MNS1: variants seen among roughly 807,000 people sequenced by gnomAD.
MNS1 encodes meiosis-specific nuclear structural protein 1.
Under a neutral mutation model 72.0 loss-of-function variants are expected in MNS1, and 63 were observed. The ratio of observed to expected loss-of-function variants is 0.87; its 90% CI spans 0.71 to 1.08. MNS1 has a LOEUF of 1.08. Among genes scored for constraint, MNS1 ranks in the 50% least tolerant of loss-of-function variants. The pLI is 0.00. For synonymous variants in MNS1, 188 were observed against 172.1 expected, an observed-to-expected ratio of 1.09 and a Z score of -0.72; for missense variants, 604 against 562.4, an observed-to-expected ratio of 1.07 and a Z score of -0.75.
intron 2 of MNS1, 87 bp downstream of exon 2, chr15:56,463,935 TTATC>T: frequency 9.7e-7 from 1 of 1,031,746 alleles, no homozygotes; most frequent in Non-Finnish European, 1.4e-6. Context: ...CTGCTGTTGT[TTATC>T]TACTCATTTC....
intron 8 of MNS1, among the ~76,000 whole-genome samples, chr15:56,433,922 C>A (rs1411329175): frequency 6.6e-6 from 1 of 152,028 alleles, no homozygotes; most frequent in African/African-American, 2.4e-5. Flanking sequence ...GTTTTATTTA[C>A]CTTTTATGTT....
Position 56,444,433 on chromosome 15 carries a change from G to C in MNS1, c.686+11C>G, listed in dbSNP as rs1311771922. The C allele has an allele frequency of 3.8e-6, 6 of 1,593,264 alleles. No homozygotes were observed. The South Asian group carries it at 6.9e-5, about 18-fold the overall frequency. On this transcript the variant is annotated intron_variant, in intron 5 of 9. Coordinates refer to ENST00000260453, the MANE Select transcript of MNS1 (RefSeq NM_018365.4). ...ACATTTAGACATGTAAGAAAGTTAG[G>C]ATAAACTTACAACTGATCTTCTTCA...
intron 2 of MNS1, 125 bp downstream of exon 2, chr15:56,463,901 G>A (rs1473299058): frequency 1.3e-6 from 1 of 748,076 alleles, no homozygotes; most frequent in Middle Eastern, 3.9e-4. Context: ...CCGAGCTGAG[G>A]CACAATCAGG....
chr15:56,445,022 G>A (rs761646702), intron 4 of MNS1, among the ~76,000 whole-genome samples: 2 of 152,006 alleles, frequency 1.3e-5, no homozygotes, highest in African/African-American at 2.4e-5. Flanking sequence ...TTTATAAACT[G>A]AGCTAGGCAA....
chr15:56,436,707 T>G (rs955248821), intron 7 of MNS1, among the ~76,000 whole-genome samples: 1 of 152,050 alleles, frequency 6.6e-6, no homozygotes, highest in African/African-American at 2.4e-5. Flanking sequence ...GATAGACCGC[T>G]AGCAAGACTC....
chr15:56,440,489 T>G (rs2050799023), intron 7 of MNS1, among the ~76,000 whole-genome samples: 1 of 152,164 alleles, frequency 6.6e-6, no homozygotes, highest in East Asian at 1.9e-4. Flanking sequence ...AAATGAAAAT[T>G]GATGTTTATA....
At chr15:56,454,693 G>C (rs768763012) in intron 3 of MNS1, among the ~76,000 whole-genome samples, 1 of 151,986 alleles carries the variant, frequency 6.6e-6, no homozygotes, top group African/African-American at 2.4e-5. Context: ...CTCACATAAT[G>C]CTTCTGTATT....
At chr15:56,441,752 C>T (rs2050817634) in intron 7 of MNS1, among the ~76,000 whole-genome samples, 1 of 152,180 alleles carries the variant, frequency 6.6e-6, no homozygotes, top group African/African-American at 2.4e-5. Flanking sequence ...CGGTGGCTCA[C>T]ACCTCTAATC....
chr15:56,460,009 A>AAAAAAAAAAAAATATATATATAT lies in MNS1; in HGVS notation c.226-3489_226-3488insATATATATATATTTTTTTTTTTT. Among the ~76,000 whole-genome samples the AAAAAAAAAAAAATATATATATAT allele has an allele frequency of 6.1e-4, 16 of 26,384 alleles. 3 individuals carry two copies. Among genetic ancestry groups the AAAAAAAAAAAAATATATATATAT allele is most frequent in the Non-Finnish European group, 8.4e-4 (12 of 14,308 alleles). 17.3% of individuals were successfully genotyped at this position (26,384 alleles called of 152,430 possible). On this transcript the variant is annotated intron_variant, in intron 2 of 9. Coordinates refer to ENST00000260453, the MANE Select transcript of MNS1 (RefSeq NM_018365.4). ...CTGTCTCAAAAAAAAAAAAAAAAAA[A>AAAAAAAAAAAAATATATATATAT]ATACATATATATATATATATATATA...
At chr15:56,459,851 G>A (rs2051005262) in intron 2 of MNS1, among the ~76,000 whole-genome samples, 1 of 150,522 alleles carries the variant, frequency 6.6e-6, no homozygotes, top group African/African-American at 2.4e-5. Flanking sequence ...TTAGCTGGGT[G>A]TGGTGGTGCA....
intron 3 of MNS1, 133 bp downstream of exon 3, chr15:56,456,261 A>AT (rs2050981167): frequency 1.3e-6 from 1 of 747,230 alleles, no homozygotes; most frequent in Non-Finnish European, 2.0e-6. Context: ...ACTTAAAGCA[A>AT]TAAGTATTTC....
intron 3 of MNS1, among the ~76,000 whole-genome samples, chr15:56,455,848 C>G (rs1955105925): frequency 2.0e-5 from 3 of 152,076 alleles, no homozygotes; most frequent in South Asian, 4.1e-4. Context: ...ACTGAAGGAA[C>G]AAGGGATAGC....
chr15:56,451,406 A>G (rs191691395), intron 3 of MNS1, among the ~76,000 whole-genome samples: 51 of 152,278 alleles, frequency 3.3e-4, no homozygotes, highest in Admixed American at 3.1e-3. Context: ...TTCTTGTTTC[A>G]GCATTTGCTT....
intron 8 of MNS1, among the ~76,000 whole-genome samples, chr15:56,433,791 C>T (rs1362641191): frequency 6.6e-6 from 1 of 152,156 alleles, no homozygotes; most frequent in Non-Finnish European, 1.5e-5. Flanking sequence ...GTTTCTCTCT[C>T]TGCCATACCA....
chr15:56,449,800 TTATC>T (rs1397810611), intron 3 of MNS1, among the ~76,000 whole-genome samples: 11 of 152,320 alleles, frequency 7.2e-5, no homozygotes, highest in African/African-American at 2.4e-4. Flanking sequence ...TGCTAAGAAT[TTATC>T]TATTTCATTT....
intron 7 of MNS1, among the ~76,000 whole-genome samples, chr15:56,439,762 A>C (rs1282362623): frequency 1.3e-5 from 2 of 151,600 alleles, no homozygotes; most frequent in East Asian, 1.9e-4. Flanking sequence ...AAAAAAAAAA[A>C]ACCCAAAAAA....
At chr15:56,458,005 T>C (rs1289361208) in intron 2 of MNS1, among the ~76,000 whole-genome samples, 1 of 152,150 alleles carries the variant, frequency 6.6e-6, no homozygotes. Context: ...AAATAAACTG[T>C]GGTACATCCA....
At chr15:56,445,712 T>C (rs1260502662) in intron 4 of MNS1, 1 of 152,056 alleles carries the variant, frequency 6.6e-6, no homozygotes, top group Non-Finnish European at 1.5e-5. Context: ...AAACTAGTAC[T>C]TGCATGACAC....
In MNS1 at chr15:56,465,057, C is replaced by T; in HGVS notation, c.-85G>A. On this transcript the variant is annotated 5_prime_UTR_variant, in exon 1 of 10. Transcript: ENST00000260453. ...CGCAGCAGCCAGCAGCCCCAAGGAG[C>T]GCACCTGGCTGCGCGCGCTCGGGTG... is the stretch of plus-strand genomic sequence containing the variant. 1 of 1,553,792 alleles carries T rather than the reference C, an allele frequency of 6.4e-7. No individual in the cohort carries two copies. The highest frequency in any genetic ancestry group is 8.7e-7 in the Non-Finnish European group (1 of 1,149,656).
Sources: gnomAD v4.1 joint callset for allele counts (sites outside exome capture counted in the v4.1 genomes callset) on GRCh38, gnomAD v4.1.1 for gene constraint, MANE v1.5 for transcripts, NCBI Gene and HGNC (gene_info 2026-07-23, HGNC 2026-07-21) for gene names.